Variants in IP6K1 observed in about 807,000 individuals in gnomAD.
IP6K1 encodes the protein ATP:1D-myo-inositol-hexakisphosphate phosphotransferase.
IP6K1 carries 13 observed loss-of-function variants against 38.3 expected under a neutral mutation model. That is an observed-to-expected ratio of 0.34 (90% CI 0.22 to 0.54). IP6K1 has a LOEUF of 0.54. IP6K1 is among the 20% of genes least tolerant of loss of function. IP6K1 has a pLI of 0.92. For missense variants in IP6K1, 397 were observed against 599.8 expected (o/e 0.66, Z 3.53); for synonymous variants, 212 against 229.9 (o/e 0.92, Z 0.70).
chr3:49,762,516 C>T (rs559075030), intron 1 of IP6K1, among the ~76,000 whole-genome samples: 1 of 152,118 alleles, frequency 6.6e-6, no homozygotes, highest in South Asian at 2.1e-4. Context: ...TGCCACTGCA[C>T]TCAAACCTGG....
At chr3:49,742,425 T>C (rs1365288165) in intron 2 of IP6K1, among the ~76,000 whole-genome samples, 2 of 152,110 alleles carry the variant, frequency 1.3e-5, no homozygotes, top group Admixed American at 1.3e-4. Flanking sequence ...GGTACACGCC[T>C]GTAGTCCCAA....
intron 3 of IP6K1, among the ~76,000 whole-genome samples, chr3:49,735,922 C>A (rs1181159344): frequency 6.6e-6 from 1 of 152,080 alleles, no homozygotes; most frequent in Non-Finnish European, 1.5e-5. Flanking sequence ...TTACTGAAAC[C>A]TTTTTTTCTT....
intron 1 of IP6K1, among the ~76,000 whole-genome samples, chr3:49,776,593 T>C (rs554562678): frequency 1.3e-5 from 2 of 151,988 alleles, no homozygotes; most frequent in East Asian, 1.9e-4. Context: ...ATTTACAGTA[T>C]GATAATTGAA....
At chr3:49,758,209 C>T (rs2080840773) in intron 1 of IP6K1, among the ~76,000 whole-genome samples, 1 of 146,458 alleles carries the variant, frequency 6.8e-6, no homozygotes, top group Non-Finnish European at 1.5e-5. Flanking sequence ...AGCTACTCGA[C>T]AGGCTGAAGC....
intron 1 of IP6K1, among the ~76,000 whole-genome samples, chr3:49,771,169 A>T (rs2080955274): frequency 6.8e-6 from 1 of 146,634 alleles, no homozygotes; most frequent in African/African-American, 2.5e-5. Context: ...ATACAAAAAA[A>T]CTTCCTAAAA....
chr3:49,748,176 AAAG>A lies in IP6K1; in HGVS notation c.-128-11_-128-9del. 9.1e-6 allele frequency: 8 copies of A among 877,748 alleles called. No individual in the cohort carries two copies. The highest frequency in any genetic ancestry group is 7.2e-5 in the Admixed American group (3 of 41,796). 54.4% of individuals were successfully genotyped at this position (877,748 alleles called of 1,614,324 possible). ...TCAGCTTATTATTCTGTCCTACAGA[AAAG>A]AAGAGAGGAAGAAGGAATCAAAACA... On this transcript the variant is annotated splice_polypyrimidine_tract_variant and intron_variant, in intron 1 of 5. Transcript: ENST00000321599.
At chr3:49,761,606 T>C (rs1575320767) in intron 1 of IP6K1, among the ~76,000 whole-genome samples, 2 of 117,304 alleles carry the variant, frequency 1.7e-5, no homozygotes, top group African/African-American at 7.0e-5. Context: ...AGCGCGAGAC[T>C]CCGTCTCAAA....
chr3:49,727,361 T>A lies in IP6K1; in HGVS notation c.1087A>T (p.Met363Leu), dbSNP rs891634563. The A allele has an allele frequency of 6.2e-7, 1 of 1,614,066 alleles. No individual in the cohort carries two copies. The highest frequency in any genetic ancestry group is 8.5e-7 in the Non-Finnish European group (1 of 1,180,002). The change falls in exon 6 of 6, where the codon ATG (methionine) becomes TTG (leucine). Residue 363 changes from methionine to leucine, a missense_variant. Coordinates refer to ENST00000321599, the MANE Select transcript of IP6K1 (RefSeq NM_153273.4). The surrounding 1 kb of genome is among the most constrained non-coding windows in gnomAD (Gnocchi z 5.9). ...RSEMRLKHLD[M>L]VLPEVASSCG... Reference sequence around the variant, plus strand: ...GATGACGCCACCTCAGGGAGCACCATGTCCAGGTGCTTGAGACGCATCTCA... The same window carrying A: ...GATGACGCCACCTCAGGGAGCACCAAGTCCAGGTGCTTGAGACGCATCTCA...
chr3:49,771,666 C>T (rs1442500536), intron 1 of IP6K1, among the ~76,000 whole-genome samples: 7 of 152,192 alleles, frequency 4.6e-5, no homozygotes, highest in Non-Finnish European at 1.0e-4. Flanking sequence ...GCTAAACATA[C>T]ATCTATCCTA....
chr3:49,753,529 T>C lies in IP6K1; in HGVS notation c.-128-5361A>G, dbSNP rs139939775. Among the ~76,000 whole-genome samples, 769 of 152,354 alleles carry C rather than the reference T, an allele frequency of 5.0e-3. 9 individuals carry two copies. Among genetic ancestry groups the C allele is most frequent in the African/African-American group, 0.017 (698 of 41,590 alleles). Reference sequence around the variant, plus strand: ...TACTGTTTATTATTTATGATGATGATGTCAGTTATATGAGTATCCTAAGTG... The same window carrying C: ...TACTGTTTATTATTTATGATGATGACGTCAGTTATATGAGTATCCTAAGTG... On this transcript the variant is annotated intron_variant, in intron 1 of 5. Transcript: ENST00000321599.
chr3:49,732,431 A>G (rs2080570513), intron 4 of IP6K1, among the ~76,000 whole-genome samples: 1 of 152,216 alleles, frequency 6.6e-6, no homozygotes, highest in East Asian at 1.9e-4. Context: ...GCCACATGTG[A>G]TGATTTAAAT....
chr3:49,762,867 G>C (rs1306381128), intron 1 of IP6K1, among the ~76,000 whole-genome samples: 2 of 151,850 alleles, frequency 1.3e-5, no homozygotes, highest in Non-Finnish European at 2.9e-5. Flanking sequence ...TGTCTCCCAG[G>C]TTCAAGTGAT....
intron 1 of IP6K1, among the ~76,000 whole-genome samples, chr3:49,780,793 T>C (rs1222712430): frequency 1.3e-5 from 2 of 152,178 alleles, no homozygotes; most frequent in Non-Finnish European, 2.9e-5. Context: ...CCTGCCTCTA[T>C]AAAGCACTAG....
At chr3:49,740,528 C>T (rs1256134856) in intron 2 of IP6K1, among the ~76,000 whole-genome samples, 3 of 152,122 alleles carry the variant, frequency 2.0e-5, no homozygotes, top group Non-Finnish European at 4.4e-5. Flanking sequence ...TCCTCCTAGC[C>T]CCAGTAACCA....
chr3:49,772,912 C>T (rs1268047258), intron 1 of IP6K1, among the ~76,000 whole-genome samples: 1 of 151,844 alleles, frequency 6.6e-6, no homozygotes, highest in Non-Finnish European at 1.5e-5. Flanking sequence ...CAGCCTCCAA[C>T]TCCTATGCTC....
intron 1 of IP6K1, among the ~76,000 whole-genome samples, chr3:49,755,698 T>C (rs1040422356): frequency 1.4e-4 from 21 of 152,140 alleles, no homozygotes; most frequent in African/African-American, 5.1e-4. Flanking sequence ...TTCTAATTAA[T>C]TTCAGAAATA....
intron 2 of IP6K1, among the ~76,000 whole-genome samples, chr3:49,746,373 T>TA (rs2080720689): frequency 1.4e-5 from 1 of 69,442 alleles, no homozygotes; most frequent in South Asian, 5.4e-4. Context: ...TATTCAGCCA[T>TA]AAAAAAGAAT....
In IP6K1 at chr3:49,751,695, A is replaced by G. The variant is rs1372574639; in HGVS notation, c.-128-3527T>C. ...CCATTGCTCTGCTATGAGTTTATGC[A>G]CCTCTCAGCTACAATAGAGACTCTG... On this transcript the variant is annotated intron_variant, in intron 1 of 5. Coordinates refer to ENST00000321599, the MANE Select transcript of IP6K1 (RefSeq NM_153273.4). Among the ~76,000 whole-genome samples the G allele has an allele frequency of 2.0e-5, 3 of 152,098 alleles. No individual in the cohort carries two copies. In the East Asian group the frequency reaches 5.8e-4, roughly 29 times the overall value.
At chr3:49,763,253 G>A (rs957377980) in intron 1 of IP6K1, among the ~76,000 whole-genome samples, 6 of 149,034 alleles carry the variant, frequency 4.0e-5, no homozygotes, top group African/African-American at 1.0e-4. Flanking sequence ...ACAGGCGCCC[G>A]CCACACACCC....
Sources: allele counts gnomAD v4.1 joint callset (sites outside exome capture counted in the v4.1 genomes callset), GRCh38; gene constraint gnomAD v4.1.1; non-coding constraint Gnocchi (gnomAD v3.1); transcripts MANE v1.5; gene names NCBI Gene and HGNC (gene_info 2026-07-23, HGNC 2026-07-21).